The following PDE4B variants were observed in gnomAD, a reference collection of about 807,000 sequenced individuals.
PDE4B encodes 3',5'-cyclic-AMP phosphodiesterase 4B.
A neutral mutation model predicts 82.2 loss-of-function variants in PDE4B; 20 were observed. The observed-to-expected ratio is 0.24, with a 90% CI of 0.17 to 0.35. PDE4B has a LOEUF of 0.35. Ranked by LOEUF, PDE4B falls within the 10% of genes least tolerant of loss-of-function variation. The probability of loss-of-function intolerance (pLI) is 1.00; values close to 1 mark genes in which losing one functional copy is unlikely to be tolerated. For synonymous variants in PDE4B, 320 were observed against 318.9 expected (o/e 1.00, Z -0.04); for missense variants, 655 against 907.2 (o/e 0.72, Z 3.57).
At position 65,918,731 on chromosome 1, in the gene PDE4B, G is replaced by A; in HGVS notation, c.177G>A (p.Gln59=). 1 of 1,613,952 alleles carries A rather than the reference G, an allele frequency of 6.2e-7. No homozygotes were observed. The highest frequency in any genetic ancestry group is 8.5e-7 in the Non-Finnish European group (1 of 1,179,778). ...AGTTACCACCACTGTCTCAAAGACA[G>A]AGTGAAAGGGCAAGGACTCCTGAGG... The part of the protein sequence containing the change: ...NLQLPPLSQR[Q]SERARTPEGD... The change falls in exon 3 of 17, where the codon CAG becomes CAA. Residue 59 remains glutamine, a synonymous_variant. Transcript: ENST00000341517.
chr1:65,849,525 G>A (rs981012175), intron 1 of PDE4B, among the ~76,000 whole-genome samples: 5 of 152,162 alleles, frequency 3.3e-5, no homozygotes, highest in African/African-American at 1.2e-4. Context: ...CTCTCTGGGT[G>A]CCAGTGTATG....
chr1:65,927,763 G>A (rs980255382), intron 3 of PDE4B, among the ~76,000 whole-genome samples: 4 of 152,020 alleles, frequency 2.6e-5, no homozygotes, highest in African/African-American at 9.7e-5. Context: ...CTAGGTAGAG[G>A]CAGCTCTAAT....
Position 66,332,605 on chromosome 1 carries a change from G to A in PDE4B, c.732G>A (p.Glu244=). 6.2e-7 allele frequency: 1 copy of A among 1,614,042 alleles called. No individual in the cohort carries two copies. The highest frequency in any genetic ancestry group is 8.5e-7 in the Non-Finnish European group (1 of 1,179,952). The change falls in exon 8 of 17, where the codon GAG becomes GAA. Residue 244 remains glutamate, a synonymous_variant. Transcript: ENST00000341517. The stretch of plus-strand genomic sequence containing the variant: ...TACAGACCTACCGGTCTGTCAGTGA[G>A]ATGGCTTCTAACAAGGTAAGAGATG... ...ETIQTYRSVS[E]MASNKFKRML... is the part of the protein sequence containing the mutation.
intron 3 of PDE4B, among the ~76,000 whole-genome samples, chr1:66,177,681 C>T (rs1646960213): frequency 8.7e-6 from 1 of 114,542 alleles, no homozygotes; most frequent in Non-Finnish European, 1.8e-5. Context: ...GTCCACAGCG[C>T]ATTGAAGCCA....
At chr1:66,171,884 G>T (rs1019101232) in intron 3 of PDE4B, among the ~76,000 whole-genome samples, 2 of 152,190 alleles carry the variant, frequency 1.3e-5, no homozygotes, top group Non-Finnish European at 2.9e-5. Flanking sequence ...GTTTAAATGA[G>T]ATGTAAAAGT....
At chr1:65,941,028 T>C (rs963335670) in intron 3 of PDE4B, among the ~76,000 whole-genome samples, 9 of 151,998 alleles carry the variant, frequency 5.9e-5, no homozygotes, top group African/African-American at 2.2e-4. Context: ...CTTTAAAAAA[T>C]ATAATGTTGC....
chr1:66,352,790 C>T (rs1425035770), intron 8 of PDE4B, among the ~76,000 whole-genome samples: 2 of 151,804 alleles, frequency 1.3e-5, no homozygotes, highest in South Asian at 2.1e-4. Flanking sequence ...TTGGCAAATA[C>T]GTGAAAAAAG....
intron 7 of PDE4B, among the ~76,000 whole-genome samples, chr1:66,329,463 A>G (rs757561809): frequency 2.0e-5 from 3 of 152,214 alleles, no homozygotes; most frequent in Non-Finnish European, 2.9e-5. Context: ...TGCTTTTTCA[A>G]CAAGGGGCCC....
intron 3 of PDE4B, among the ~76,000 whole-genome samples, chr1:66,159,895 T>C (rs1646576704): frequency 6.6e-6 from 1 of 152,200 alleles, no homozygotes; most frequent in Non-Finnish European, 1.5e-5. Flanking sequence ...ATTTGATCTT[T>C]AAGTTCCTGA....
intron 3 of PDE4B, among the ~76,000 whole-genome samples, chr1:66,203,712 C>G (rs964013856): frequency 6.6e-6 from 1 of 151,920 alleles, no homozygotes; most frequent in Non-Finnish European, 1.5e-5. Flanking sequence ...CTCCTTTAAG[C>G]ACTTCTCTGC....
chr1:65,912,705 GT>G (rs1553119932), intron 1 of PDE4B, among the ~76,000 whole-genome samples: 1 of 151,946 alleles, frequency 6.6e-6, no homozygotes, highest in African/African-American at 2.4e-5. Flanking sequence ...TAAGATTAAG[GT>G]TTTTTTCTTT....
intron 3 of PDE4B, among the ~76,000 whole-genome samples, chr1:65,963,304 C>G (rs185761039): frequency 6.6e-6 from 1 of 152,268 alleles, no homozygotes; most frequent in East Asian, 1.9e-4. Flanking sequence ...GGCCTGCCTA[C>G]AAGCCTGCCC....
chr1:66,112,839 ACAGACT>A, intron 3 of PDE4B: 1 of 152,356 alleles, frequency 6.6e-6, no homozygotes, highest in Middle Eastern at 3.4e-3. Context: ...AAAGGAGGAA[ACAGACT>A]CAGAGAAATG....
chr1:65,800,968 C>G (rs1245566283), intron 1 of PDE4B, among the ~76,000 whole-genome samples: 1 of 152,200 alleles, frequency 6.6e-6, no homozygotes, highest in African/African-American at 2.4e-5. Context: ...CCCTTTCTCT[C>G]TCATCTTCCT....
chr1:66,352,163 G>A (rs777915110), intron 8 of PDE4B, among the ~76,000 whole-genome samples: 1 of 152,096 alleles, frequency 6.6e-6, no homozygotes, highest in East Asian at 1.9e-4. Context: ...AAAGGACTAG[G>A]TTAGTTTCTG....
At chr1:66,106,169 A>G (rs1246624040) in intron 3 of PDE4B, among the ~76,000 whole-genome samples, 8 of 152,162 alleles carry the variant, frequency 5.3e-5, no homozygotes, top group Non-Finnish European at 1.0e-4. Flanking sequence ...AATTTTGTCA[A>G]AGGCCTTTTC....
chr1:65,865,172 G>T (rs1426161196), intron 1 of PDE4B, among the ~76,000 whole-genome samples: 1 of 152,168 alleles, frequency 6.6e-6, no homozygotes, highest in African/African-American at 2.4e-5. Context: ...AGCCTCCTTA[G>T]CACTGTCAGG....
intron 3 of PDE4B, among the ~76,000 whole-genome samples, chr1:66,087,868 TG>T (rs1296523303): frequency 1.5e-5 from 1 of 68,112 alleles, no homozygotes; most frequent in African/African-American, 5.9e-5. Flanking sequence ...GGGACTGTTG[TG>T]GGGTGGGGGG....
chr1:66,058,845 G>A (rs1262755049), intron 3 of PDE4B, among the ~76,000 whole-genome samples: 2 of 152,250 alleles, frequency 1.3e-5, no homozygotes, highest in African/African-American at 4.8e-5. Context: ...ATGCCCTGGA[G>A]CCATTTCTTC....
Sources: allele counts gnomAD v4.1 joint callset (sites outside exome capture counted in the v4.1 genomes callset), GRCh38; gene constraint gnomAD v4.1.1; transcripts MANE v1.5; gene names NCBI Gene and HGNC (gene_info 2026-07-23, HGNC 2026-07-21).